The following PTPRQ variants were observed in gnomAD, a reference collection of about 807,000 sequenced individuals.
The protein encoded by PTPRQ is protein tyrosine phosphatase receptor type Q, also known as phosphatidylinositol phosphatase PTPRQ.
A neutral mutation model predicts 246.0 loss-of-function variants in PTPRQ; 199 were observed. That is an observed-to-expected ratio of 0.81 (90% CI 0.72 to 0.91). The LOEUF is 0.91. PTPRQ is among the 40% of genes least tolerant of loss of function. The pLI is 0.00. For synonymous variants in PTPRQ, 869 were observed against 853.2 expected, an observed-to-expected ratio of 1.02 and a Z score of -0.32; for missense variants, 2,624 against 2,528.4, an observed-to-expected ratio of 1.04 and a Z score of -0.81.
At chr12:80,630,250 C>G (rs1309540387) in intron 33 of PTPRQ, among the ~76,000 whole-genome samples, 1 of 152,006 alleles carries the variant, frequency 6.6e-6, no homozygotes, top group African/African-American at 2.4e-5. Flanking sequence ...TCCTTCCCCC[C>G]TATGTCATAG....
intron 17 of PTPRQ, among the ~76,000 whole-genome samples, chr12:80,525,515 A>C (rs1895655035): frequency 6.6e-6 from 1 of 152,098 alleles, no homozygotes; most frequent in African/African-American, 2.4e-5. Flanking sequence ...CCAGAATAAG[A>C]AGTTTGAATT....
chr12:80,465,226 C>T (rs1893351578), intron 6 of PTPRQ: 1 of 151,892 alleles, frequency 6.6e-6, no homozygotes. Flanking sequence ...ACTACAAACA[C>T]CTCTATGCAA....
intron 14 of PTPRQ, among the ~76,000 whole-genome samples, chr12:80,500,371 T>C (rs927105972): frequency 6.6e-6 from 1 of 152,036 alleles, no homozygotes; most frequent in Admixed American, 6.6e-5. Flanking sequence ...AGTCATTGAG[T>C]CTGTCTTGCT....
intron 14 of PTPRQ, among the ~76,000 whole-genome samples, chr12:80,500,837 C>T (rs1451764680): frequency 4.0e-5 from 6 of 151,868 alleles, no homozygotes; most frequent in Non-Finnish European, 7.4e-5. Context: ...GAAAATTAGA[C>T]ATTAGAAAAT....
Position 80,610,458 on chromosome 12 carries a change from A to G in PTPRQ, c.4751A>G (p.Asn1584Ser), listed in dbSNP as rs1255747867. The G allele has an allele frequency of 4.7e-6, 7 of 1,499,176 alleles. No individual in the cohort carries two copies. Among genetic ancestry groups the G allele is most frequent in the African/African-American group, 1.4e-5 (1 of 70,270 alleles). The allele number at this position is 1,499,176 out of a possible 1,614,324, so 92.9% of individuals were successfully genotyped here. ...CTATAGGTAGATAATGATGAATTTA[A>G]TATATCCTTCATCAAGTCAAATGAA... ...DVKSVDNDEF[N>S]ISFIKSNEEN... Residue 1584 changes from asparagine (N) to serine (S), a missense_variant, in exon 28 of 45, where the codon AAT (asparagine) becomes AGT (serine). By Grantham distance (46) the Asn-to-Ser change is conservative (BLOSUM62 1). Coordinates refer to ENST00000644991, the MANE Select transcript of PTPRQ (RefSeq NM_001145026.2).
chr12:80,447,989 T>A (rs1427966926), intron 3 of PTPRQ, among the ~76,000 whole-genome samples: 2 of 151,876 alleles, frequency 1.3e-5, no homozygotes, highest in Non-Finnish European at 2.9e-5. Flanking sequence ...TTTCTTTGGG[T>A]GGTATGGTAT....
rs1592770751 is a variant in PTPRQ at position 80,661,529 on chromosome 12, G to GTACACACATATATGTACACA, written c.6192+3481_6192+3500dup. Among the ~76,000 whole-genome samples, 7 of 151,138 alleles carry GTACACACATATATGTACACA rather than the reference G, an allele frequency of 4.6e-5. No homozygotes were observed. In the East Asian group the frequency reaches 1.4e-3, roughly 29 times the overall value. On this transcript the variant is annotated intron_variant, in intron 39 of 44. Coordinates refer to ENST00000644991, the MANE Select transcript of PTPRQ (RefSeq NM_001145026.2). ...TAAACATATACATATATGTGTATATGTACACACATATATGTACACATACAC... is the reference window on the plus strand; with the variant it reads ...TAAACATATACATATATGTGTATATGTACACACATATATGTACACATACACACATATATGTACACATACAC...
At chr12:80,647,946 A>G (rs562119689) in intron 35 of PTPRQ, among the ~76,000 whole-genome samples, 1 of 152,226 alleles carries the variant, frequency 6.6e-6, no homozygotes, top group Admixed American at 6.5e-5. Flanking sequence ...TACCTGGTCC[A>G]GCATCCCCAT....
At chr12:80,630,037 A>G (rs1019612243) in intron 33 of PTPRQ, among the ~76,000 whole-genome samples, 1 of 152,180 alleles carries the variant, frequency 6.6e-6, no homozygotes, top group Non-Finnish European at 1.5e-5. Flanking sequence ...TAATAAGTAC[A>G]TTTTTATTAT....
At chr12:80,542,414 GCT>G in intron 22 of PTPRQ, 50 bp downstream of exon 22, 1 of 1,504,124 alleles carries the variant, frequency 6.6e-7, no homozygotes, top group Non-Finnish European at 8.8e-7. Flanking sequence ...TGCAGCGCCT[GCT>G]CTCTCTTTTT....
chr12:80,499,734 T>C (rs1894738467), intron 14 of PTPRQ, among the ~76,000 whole-genome samples: 1 of 151,746 alleles, frequency 6.6e-6, no homozygotes, highest in Non-Finnish European at 1.5e-5. Flanking sequence ...CACCCTTGTG[T>C]TCAAGCAGGA....
chr12:80,445,949 T>C (rs1565708171), intron 3 of PTPRQ, among the ~76,000 whole-genome samples: 1 of 151,880 alleles, frequency 6.6e-6, no homozygotes, highest in South Asian at 2.1e-4. Context: ...ATTTTTTCTA[T>C]GAATATTTTT....
chr12:80,580,095 A>G (rs1374005135), intron 25 of PTPRQ, among the ~76,000 whole-genome samples: 1 of 152,158 alleles, frequency 6.6e-6, no homozygotes, highest in Admixed American at 6.5e-5. Flanking sequence ...CTAATAACTG[A>G]TATTCAGAAG....
intron 9 of PTPRQ, among the ~76,000 whole-genome samples, chr12:80,487,560 G>A (rs1339066856): frequency 6.6e-6 from 1 of 152,074 alleles, no homozygotes; most frequent in Non-Finnish European, 1.5e-5. Context: ...ATATATGTCT[G>A]ATGTTTGTCT....
At chr12:80,450,220 T>C (rs1892708567) in intron 3 of PTPRQ, among the ~76,000 whole-genome samples, 1 of 152,174 alleles carries the variant, frequency 6.6e-6, no homozygotes, top group African/African-American at 2.4e-5. Flanking sequence ...TTTTTGTACA[T>C]TGATTTTGTA....
chr12:80,554,733 T>C lies in PTPRQ; in HGVS notation c.4285+4999T>C, dbSNP rs150483670. Among the ~76,000 whole-genome samples, 891 of 152,028 alleles carry C rather than the reference T, an allele frequency of 5.9e-3. 10 individuals carry two copies. Among genetic ancestry groups the C allele is most frequent in the African/African-American group, 0.02 (839 of 41,488 alleles). ...TGACTTGGCATGTATTCAATTTAAT[T>C]ATCATCATCATCATCATCATCATTT... On this transcript the variant is annotated intron_variant, in intron 25 of 44. Transcript: ENST00000644991.
At chr12:80,612,886 A>C (rs1898607257) in intron 28 of PTPRQ, among the ~76,000 whole-genome samples, 2 of 150,520 alleles carry the variant, frequency 1.3e-5, no homozygotes, top group South Asian at 4.1e-4. Flanking sequence ...ATCCACCTTG[A>C]TGGACCTCAA....
At chr12:80,590,622 C>T (rs553511263) in intron 26 of PTPRQ, among the ~76,000 whole-genome samples, 187 of 142,206 alleles carry the variant, frequency 1.3e-3, no homozygotes, top group African/African-American at 4.7e-3. Context: ...GAGCCGAAAT[C>T]GCACCACTGC....
In PTPRQ at chr12:80,541,779, C is replaced by G; in HGVS notation, c.3379C>G (p.Pro1127Ala). 4 of 1,550,852 alleles carry G rather than the reference C, an allele frequency of 2.6e-6. No homozygotes were observed. Among genetic ancestry groups the G allele is most frequent in the Admixed American group, 3.9e-5 (2 of 50,958 alleles). ...KYTDYILKIT[P>A]STEKGFSDTY... The stretch of plus-strand genomic sequence containing the variant: ...CACTGATTATATATTAAAAATTACT[C>G]CATCAACAGAAAAGGGATTCTCTGA... Residue 1127 changes from proline to alanine, a missense_variant, in exon 21 of 45, where the codon CCA (proline) becomes GCA (alanine). Coordinates refer to ENST00000644991, the MANE Select transcript of PTPRQ (RefSeq NM_001145026.2).
Sources: allele counts gnomAD v4.1 joint callset (sites outside exome capture counted in the v4.1 genomes callset), GRCh38; gene constraint gnomAD v4.1.1; transcripts MANE v1.5; gene names NCBI Gene and HGNC (gene_info 2026-07-23, HGNC 2026-07-21).